The following RIMBP2 variants were observed in gnomAD, a reference collection of about 807,000 sequenced individuals.
RIMBP2 encodes the protein RIMS-binding protein 2.
RIMBP2 carries 48 observed loss-of-function variants against 118.6 expected under a neutral mutation model. That is an observed-to-expected ratio of 0.40 (90% confidence interval 0.32 to 0.51). The LOEUF (loss-of-function observed/expected upper bound fraction) is 0.51. Ranked by LOEUF, RIMBP2 falls within the 20% of genes least tolerant of loss-of-function variation. RIMBP2 has a pLI of 0.41. For missense variants in RIMBP2, 1,551 were observed against 1,768.3 expected (o/e 0.88, Z 2.20); for synonymous variants, 762 against 742.9 (o/e 1.03, Z -0.42).
chr12:130,682,292 C>T (rs370618589), intron 1 of RIMBP2, among the ~76,000 whole-genome samples: 1 of 152,318 alleles, frequency 6.6e-6, no homozygotes, highest in Non-Finnish European at 1.5e-5. Context: ...CGGCTGGATG[C>T]TGGGGCCTCT....
At chr12:130,539,224 T>C (rs957999534) in intron 2 of RIMBP2, among the ~76,000 whole-genome samples, 22 of 152,244 alleles carry the variant, frequency 1.4e-4, no homozygotes, top group African/African-American at 4.6e-4. Context: ...GTTTCCTTAT[T>C]TCCCTACATA....
In RIMBP2 at chr12:130,424,633, G is replaced by C. The variant is rs560926052; in HGVS notation, c.2638C>G (p.Arg880Gly). The stretch of plus-strand genomic sequence containing the variant: ...TGCTTCACCGGGAACCAGGAGCCCC[G>C]AGGGGCCTCGTCGCCCCTGTAGGGC... Reference protein sequence around the residue: ...GRPYRGDEAPRGSWFPVKHRG... With the variant: ...GRPYRGDEAPGGSWFPVKHRG... Residue 880 changes from arginine to glycine, a missense_variant, in exon 16 of 23, where the codon CGG becomes GGG. Physicochemically the swap from Arg to Gly is moderately radical, Grantham distance 125. Coordinates refer to ENST00000690449, the MANE Select transcript of RIMBP2 (RefSeq NM_001393629.1). The surrounding 1 kb of genome is among the most constrained non-coding windows in gnomAD (Gnocchi z 9.8). 1 of 1,231,882 alleles carries C rather than the reference G, an allele frequency of 8.1e-7. No homozygotes were observed. Among genetic ancestry groups the C allele is most frequent in the Non-Finnish European group, 1.0e-6 (1 of 987,828 alleles). The allele number at this position is 1,231,882 out of a possible 1,614,324, so 76.3% of individuals were successfully genotyped here.
intron 1 of RIMBP2, chr12:130,633,881 C>G (rs1052481725): frequency 5.9e-5 from 9 of 152,374 alleles, no homozygotes; most frequent in African/African-American, 2.2e-4. Context: ...TTCCGGTCCC[C>G]GTGGACGCCA....
At chr12:130,681,696 C>G (rs1305399879) in intron 1 of RIMBP2, among the ~76,000 whole-genome samples, 3 of 152,082 alleles carry the variant, frequency 2.0e-5, no homozygotes, top group African/African-American at 7.2e-5. Flanking sequence ...GAGTATTTCT[C>G]TTTCTTTTTC....
chr12:130,473,872 C>T (rs548240817), intron 5 of RIMBP2, among the ~76,000 whole-genome samples: 1 of 152,310 alleles, frequency 6.6e-6, no homozygotes, highest in Admixed American at 6.5e-5. Flanking sequence ...AACTATGCAT[C>T]GGGCGGTGAG....
intron 1 of RIMBP2, among the ~76,000 whole-genome samples, chr12:130,676,480 G>A (rs1446812041): frequency 2.0e-5 from 3 of 151,720 alleles, no homozygotes; most frequent in Admixed American, 1.3e-4. Flanking sequence ...AAAATTAGCT[G>A]GGTGTGGTGG....
chr12:130,513,237 C>T (rs2138967791), intron 3 of RIMBP2, among the ~76,000 whole-genome samples: 1 of 152,258 alleles, frequency 6.6e-6, no homozygotes, highest in East Asian at 1.9e-4. Flanking sequence ...TTCTCCAAGA[C>T]CTGCTCACCA....
chr12:130,651,815 G>A (rs1468790423), intron 1 of RIMBP2, among the ~76,000 whole-genome samples: 4 of 152,124 alleles, frequency 2.6e-5, no homozygotes, highest in East Asian at 1.9e-4. Flanking sequence ...TCTACTCTTC[G>A]TTGAGAGACT....
chr12:130,464,177 C>T (rs1285803189), intron 6 of RIMBP2, among the ~76,000 whole-genome samples: 2 of 152,198 alleles, frequency 1.3e-5, no homozygotes, highest in Non-Finnish European at 1.5e-5. Flanking sequence ...TATGGAGTGG[C>T]CATCCATTCG....
At chr12:130,610,212 C>G (rs1191633302) in intron 2 of RIMBP2, among the ~76,000 whole-genome samples, 5 of 151,448 alleles carry the variant, frequency 3.3e-5, no homozygotes, top group African/African-American at 1.2e-4. Flanking sequence ...TCCTCCCGGT[C>G]CCTCCCGTTC....
At chr12:130,406,568 A>C (rs543526759) in intron 20 of RIMBP2, among the ~76,000 whole-genome samples, 95 of 152,372 alleles carry the variant, frequency 6.2e-4, no homozygotes, top group African/African-American at 2.1e-3. Context: ...AATATTAGGG[A>C]AATGTTCTCT....
At chr12:130,591,053 GTCATA>G (rs1416189892) in intron 2 of RIMBP2, among the ~76,000 whole-genome samples, 3 of 152,190 alleles carry the variant, frequency 2.0e-5, no homozygotes, top group African/African-American at 7.2e-5. Flanking sequence ...CATACTCCAG[GTCATA>G]TCCATAGGGC....
intron 1 of RIMBP2, among the ~76,000 whole-genome samples, chr12:130,699,905 A>T (rs1200976360): frequency 3.0e-5 from 1 of 33,788 alleles, no homozygotes; most frequent in Non-Finnish European, 7.1e-5. Flanking sequence ...ACTCTGTCTT[A>T]AAAAAAAAAA....
intron 2 of RIMBP2, among the ~76,000 whole-genome samples, chr12:130,524,047 C>G (rs565919661): frequency 6.6e-6 from 1 of 152,118 alleles, no homozygotes; most frequent in Non-Finnish European, 1.5e-5. Flanking sequence ...GATGCTTCCT[C>G]GCAGCCTCTG....
chr12:130,686,625 G>A (rs920531512), intron 1 of RIMBP2, among the ~76,000 whole-genome samples: 1 of 152,230 alleles, frequency 6.6e-6, no homozygotes, highest in African/African-American at 2.4e-5. Context: ...TGAAGCAAAC[G>A]CTGGCACAGC....
At chr12:130,542,817 CT>C (rs1044586685) in intron 2 of RIMBP2, among the ~76,000 whole-genome samples, 1 of 152,166 alleles carries the variant, frequency 6.6e-6, no homozygotes, top group African/African-American at 2.4e-5. Context: ...GAAAAACATT[CT>C]TTCTGTTGTA....
chr12:130,444,486 G>A (rs1004279991), intron 10 of RIMBP2, among the ~76,000 whole-genome samples: 6 of 152,220 alleles, frequency 3.9e-5, no homozygotes, highest in African/African-American at 7.2e-5. Flanking sequence ...CCAAGACCAC[G>A]CTATTTGTCC....
intron 2 of RIMBP2, among the ~76,000 whole-genome samples, chr12:130,533,868 A>G (rs780274328): frequency 2.0e-5 from 3 of 152,206 alleles, no homozygotes; most frequent in Non-Finnish European, 2.9e-5. Context: ...ACGTGGACAC[A>G]GAAAGTGGAA....
At chr12:130,544,152 C>T (rs532890538) in intron 2 of RIMBP2, among the ~76,000 whole-genome samples, 1 of 152,200 alleles carries the variant, frequency 6.6e-6, no homozygotes, top group South Asian at 2.1e-4. Context: ...ATCTGTAAGG[C>T]TTTTTGATGT....
Sources: gnomAD v4.1 joint callset for allele counts (sites outside exome capture counted in the v4.1 genomes callset) on GRCh38, gnomAD v4.1.1 for gene constraint, Gnocchi (gnomAD v3.1) non-coding constraint, MANE v1.5 for transcripts, NCBI Gene and HGNC (gene_info 2026-07-23, HGNC 2026-07-21) for gene names.